Variants in GNAS observed in about 807,000 individuals in gnomAD.
The protein encoded by GNAS is protein ALEX.
A neutral mutation model predicts 54.5 loss-of-function variants in GNAS; 8 were observed. That is an observed-to-expected ratio of 0.15 (90% CI 0.09 to 0.26). GNAS has a LOEUF of 0.26. Ranked by LOEUF, GNAS falls within the 10% of genes least tolerant of loss-of-function variation. The probability of loss-of-function intolerance (pLI) is 1.00; values close to 1 mark genes in which losing one functional copy is unlikely to be tolerated. For synonymous variants in GNAS, 204 were observed against 191.4 expected, an observed-to-expected ratio of 1.07 and a Z score of -0.54; for missense variants, 170 against 529.8, an observed-to-expected ratio of 0.32 and a Z score of 6.67.
intron 1 of GNAS, 127 bp downstream of exon 1, chr20:58,891,992 T>TTCGG (rs1449055289): frequency 5.4e-6 from 4 of 747,160 alleles, no homozygotes; most frequent in Non-Finnish European, 6.5e-6. Context: ...GTTCGCGGGC[T>TTCGG]CTGTCTGTGG....
At chr20:58,897,473 A>G (rs1438984937) in intron 2 of GNAS, 1 of 152,248 alleles carries the variant, frequency 6.6e-6, no homozygotes, top group Non-Finnish European at 1.5e-5. Context: ...GCATTTTTCA[A>G]AGATGCAGCA....
At chr20:58,870,285 T>C (rs2087354304) in intron 1 of GNAS, among the ~76,000 whole-genome samples, 1 of 152,268 alleles carries the variant, frequency 6.6e-6, no homozygotes, top group South Asian at 2.1e-4. Flanking sequence ...ATGCCCATAT[T>C]CCTCTGAGGA....
chr20:58,901,059 T>C (rs1288563907), intron 3 of GNAS, among the ~76,000 whole-genome samples: 1 of 152,250 alleles, frequency 6.6e-6, no homozygotes, highest in Non-Finnish European at 1.5e-5. Context: ...TCTCTTGCTG[T>C]ATGCAGATTT....
upstream of GNAS, chr20:58,840,088 TC>T: frequency 6.2e-7 from 1 of 1,609,388 alleles, no homozygotes; most frequent in Non-Finnish European, 8.5e-7. The surrounding 1 kb of genome is among the most constrained non-coding windows in gnomAD (Gnocchi z 6.0). Flanking sequence ...GGCCGGCTTC[TC>T]GGTGTGTGCC....
upstream of GNAS, among the ~76,000 whole-genome samples, chr20:58,891,003 A>C (rs1163642396): frequency 6.8e-5 from 10 of 147,234 alleles, no homozygotes; most frequent in East Asian, 4.3e-4. Flanking sequence ...GAGGGGGAGG[A>C]GGCCTCGGGG....
chr20:58,891,862 C>A lies in GNAS; in HGVS notation c.136C>A (p.Leu46Met). The change falls in exon 1 of 13, where the codon CTG becomes ATG. Residue 46 changes from leucine (L) to methionine (M), a missense_variant. Around this residue, in one of 3 missense-constraint regions of GNAS, gnomAD observed 56 missense variants for 55.7 expected, o/e 1.01. Coordinates refer to ENST00000371085, the MANE Select transcript of GNAS (RefSeq NM_000516.7). ...VYRATHRLLL[L>M]GAGESGKSTI... ...CCGGGCCACGCACCGCCTGCTGCTG[C>A]TGGGTAAGGGCGGGCGGGGGGCGCC... is the stretch of plus-strand genomic sequence containing the variant. 8.2e-7 allele frequency: 1 copy of A among 1,223,092 alleles called. No individual in the cohort carries two copies. Among genetic ancestry groups the A allele is most frequent in the Non-Finnish European group, 1.1e-6 (1 of 943,144 alleles). The allele number at this position is 1,223,092 out of a possible 1,614,324, so 75.8% of individuals were successfully genotyped here.
chr20:58,840,347 G>A, upstream of GNAS: 1 of 1,613,168 alleles, frequency 6.2e-7, no homozygotes, highest in Non-Finnish European at 8.5e-7. The surrounding 1 kb of genome is among the most constrained non-coding windows in gnomAD (Gnocchi z 6.0). Flanking sequence ...TGAGTCCCCC[G>A]AATCGGAATC....
chr20:58,840,177 T>C (rs537714939), upstream of GNAS: 19 of 1,611,442 alleles, frequency 1.2e-5, no homozygotes, highest in South Asian at 1.3e-4. The surrounding 1 kb of genome is among the most constrained non-coding windows in gnomAD (Gnocchi z 6.0). Flanking sequence ...TGCCCGCCCA[T>C]AGGCCGCCGG....
chr20:58,851,561 G>C (rs2086176043), intron 1 of GNAS, among the ~76,000 whole-genome samples: 1 of 152,182 alleles, frequency 6.6e-6, no homozygotes, highest in Non-Finnish European at 1.5e-5. Flanking sequence ...CCTTACAGCA[G>C]CTTTTCTCCC....
At chr20:58,851,874 T>C (rs2086189112) in intron 1 of GNAS, among the ~76,000 whole-genome samples, 1 of 152,202 alleles carries the variant, frequency 6.6e-6, no homozygotes, top group Non-Finnish European at 1.5e-5. Context: ...TGACCAGCGC[T>C]GCGGCCGGTG....
In GNAS at chr20:58,853,615, C is replaced by T. The variant is rs751302306; in HGVS notation, c.43+12729C>T. On this transcript the variant is annotated intron_variant, in intron 1 of 12. Transcript: ENST00000306090. This position sits in a 1 kb window ranked among gnomAD's most constrained non-coding sequence, Gnocchi z 4.4. Reference sequence around the variant, plus strand: ...CCCAGCTTGGGAGGCTTCTGGCCTACACTGGAGCAGCCTGGATTCCCCAGT... The same window carrying T: ...CCCAGCTTGGGAGGCTTCTGGCCTATACTGGAGCAGCCTGGATTCCCCAGT... 4 of 1,613,398 alleles carry T rather than the reference C, an allele frequency of 2.5e-6. No individual in the cohort carries two copies. Among genetic ancestry groups the T allele is most frequent in the East Asian group, 2.2e-5 (1 of 44,880 alleles).
rs531767390 is a variant in GNAS at position 58,882,435 on chromosome 20, T to C, written c.44-13177T>C. Among the ~76,000 whole-genome samples the C allele has an allele frequency of 2.2e-4, 33 of 152,326 alleles. 1 individual carries two copies. Among genetic ancestry groups the C allele is most frequent in the Admixed American group, 1.9e-3 (29 of 15,300 alleles). On this transcript the variant is annotated intron_variant, in intron 1 of 12. Coordinates refer to the GNAS transcript ENST00000306090. ...TGTTGAAGGCTGAGCACGCATGTCT[T>C]CCGTGCTTGTGGCAAAAGGCCCTTT...
chr20:58,905,271 T>C (rs2090961756), intron 5 of GNAS, 112 bp from the exon 6 acceptor site: 5 of 729,460 alleles, frequency 6.9e-6, no homozygotes, highest in South Asian at 5.9e-5. Context: ...AAATTCAAAA[T>C]CACACCAAGT....
At chr20:58,890,311 G>A (rs1327213519), upstream of GNAS, among the ~76,000 whole-genome samples, 1 of 147,752 alleles carries the variant, frequency 6.8e-6, no homozygotes, top group Non-Finnish European at 1.5e-5. Context: ...GGCGCCGTCG[G>A]GGGCGCCGAG....
intron 6 of GNAS, among the ~76,000 whole-genome samples, chr20:58,906,249 C>G (rs1271968459): frequency 6.6e-6 from 1 of 152,204 alleles, no homozygotes; most frequent in Admixed American, 6.5e-5. Flanking sequence ...TAAAGGTGGG[C>G]TCACCTGGTT....
rs757621737 is a variant in GNAS, at chr20:58,873,820, G to A, written c.44-21792G>A. ...GATGGAATCAAAACAAACCCAGGAA[G>A]TTAACAAGAGTGGGCAGTCTCTGCT... On this transcript the variant is annotated intron_variant, in intron 1 of 12. Coordinates refer to the GNAS transcript ENST00000306090. The surrounding 1 kb of genome is among the most constrained non-coding windows in gnomAD (Gnocchi z 4.3). Among the ~76,000 whole-genome samples the A allele has an allele frequency of 1.0e-3, 152 of 152,204 alleles. No individual in the cohort carries two copies. Among genetic ancestry groups the A allele is most frequent in the Non-Finnish European group, 8.5e-4 (58 of 68,036 alleles).
chr20:58,883,869 C>T (rs572091312), intron 1 of GNAS, among the ~76,000 whole-genome samples: 13 of 152,238 alleles, frequency 8.5e-5, no homozygotes, highest in African/African-American at 2.9e-4. Context: ...GTTAGTTCCC[C>T]CCTCAAAATA....
chr20:58,899,387 A>G, intron 3 of GNAS: 1 of 520,338 alleles, frequency 1.9e-6, no homozygotes, highest in South Asian at 1.5e-5. Flanking sequence ...AAAATTTCAG[A>G]CCTCTTTGAA....
At chr20:58,903,080 T>G (rs1012263922) in intron 3 of GNAS, 7 of 329,908 alleles carry the variant, frequency 2.1e-5, no homozygotes, top group African/African-American at 1.5e-4. Flanking sequence ...TGCTCACTGG[T>G]TCTCTCAGTA....
Sources: gnomAD v4.1 joint callset for allele counts (sites outside exome capture counted in the v4.1 genomes callset) on GRCh38, gnomAD v4.1.1 for gene constraint, gnomAD v4.1.1 regional missense constraint, Gnocchi (gnomAD v3.1) non-coding constraint, MANE v1.5 for transcripts, NCBI Gene and HGNC (gene_info 2026-07-23, HGNC 2026-07-21) for gene names.